The following ZNF536 variants were observed in gnomAD, a reference collection of about 807,000 sequenced individuals.
ZNF536 encodes the protein zinc finger protein 536.
Under a neutral mutation model 84.5 loss-of-function variants are expected in ZNF536, and 13 were observed. That is an observed-to-expected ratio of 0.15 (90% CI 0.10 to 0.24). The LOEUF is 0.24. Ranked by LOEUF, ZNF536 falls within the 10% of genes least tolerant of loss-of-function variation. ZNF536 has a pLI of 1.00. For missense variants in ZNF536, 1,536 were observed against 1,747.5 expected, an observed-to-expected ratio of 0.88 and a Z score of 2.16; for synonymous variants, 811 against 742.5, an observed-to-expected ratio of 1.09 and a Z score of -1.50.
chr19:30,666,442 C>T (rs2050322369), intron 1 of ZNF536, among the ~76,000 whole-genome samples: 3 of 152,142 alleles, frequency 2.0e-5, no homozygotes, highest in Admixed American at 2.0e-4. Flanking sequence ...CCTCTCCTCC[C>T]ATCCTCTGCT....
At chr19:30,621,830 A>G (rs2048493865) in intron 1 of ZNF536, among the ~76,000 whole-genome samples, 1 of 152,156 alleles carries the variant, frequency 6.6e-6, no homozygotes, top group Non-Finnish European at 1.5e-5. Context: ...ATCTGAAACC[A>G]CCTGTGCTTC....
chr19:30,644,392 T>A (rs1471236753), intron 1 of ZNF536, among the ~76,000 whole-genome samples: 1 of 152,026 alleles, frequency 6.6e-6, no homozygotes, highest in Non-Finnish European at 1.5e-5. Flanking sequence ...ATACTTTAAG[T>A]TTTAGGGTAC....
intron 3 of ZNF536, among the ~76,000 whole-genome samples, chr19:30,354,273 A>G (rs2048026083): frequency 6.6e-6 from 1 of 152,156 alleles, no homozygotes; most frequent in African/African-American, 2.4e-5. Context: ...TGAGACACAG[A>G]TATCCTTTGG....
chr19:30,710,664 A>C (rs1479154102), intron 1 of ZNF536: 2 of 152,194 alleles, frequency 1.3e-5, no homozygotes, highest in Non-Finnish European at 2.9e-5. Flanking sequence ...AATAATATTG[A>C]TCATACTGGT....
chr19:30,693,911 C>T (rs982725149), intron 1 of ZNF536, among the ~76,000 whole-genome samples: 7 of 152,134 alleles, frequency 4.6e-5, no homozygotes, highest in Admixed American at 6.5e-5. Context: ...ACAATACAAC[C>T]TCACTGAATT....
intron 1 of ZNF536, among the ~76,000 whole-genome samples, chr19:30,251,297 G>A (rs1056575802): frequency 2.0e-5 from 3 of 152,184 alleles, no homozygotes; most frequent in Non-Finnish European, 4.4e-5. Flanking sequence ...TGTGGACAAT[G>A]ATGAAATGAT....
chr19:30,443,103 G>A (rs1422143332), intron 1 of ZNF536, among the ~76,000 whole-genome samples: 2 of 146,072 alleles, frequency 1.4e-5, no homozygotes, highest in African/African-American at 5.1e-5. Context: ...ACTGGTGAAT[G>A]TACTGAATAT....
chr19:30,607,047 A>G (rs1033280516), intron 1 of ZNF536, among the ~76,000 whole-genome samples: 4 of 152,182 alleles, frequency 2.6e-5, no homozygotes, highest in Admixed American at 2.0e-4. Context: ...CTATCTCTGC[A>G]CAATGCAGAC....
At chr19:30,513,290 A>T (rs1355089476) in intron 2 of ZNF536, among the ~76,000 whole-genome samples, 2 of 152,180 alleles carry the variant, frequency 1.3e-5, no homozygotes, top group African/African-American at 4.8e-5. Context: ...TGCGCAAGAA[A>T]ATAAAATATA....
chr19:30,428,848 A>G (rs1318602955), intron 1 of ZNF536, among the ~76,000 whole-genome samples: 5 of 152,222 alleles, frequency 3.3e-5, no homozygotes, highest in African/African-American at 1.2e-4. Context: ...CAGCATCAGC[A>G]AAGTTCAACT....
chr19:30,554,227 G>C (rs951822994), intron 4 of ZNF536: 1 of 150,366 alleles, frequency 6.7e-6, no homozygotes, highest in African/African-American at 2.4e-5. Flanking sequence ...AGATTTCTTG[G>C]CATAGGCAGT....
intron 2 of ZNF536, among the ~76,000 whole-genome samples, chr19:30,329,542 A>G (rs756241604): frequency 6.6e-6 from 1 of 152,166 alleles, no homozygotes; most frequent in African/African-American, 2.4e-5. Context: ...TGCAACAGCC[A>G]TGAAAGTGAT....
At chr19:30,237,231 T>A (rs1361521235) in intron 1 of ZNF536, among the ~76,000 whole-genome samples, 1 of 152,146 alleles carries the variant, frequency 6.6e-6, no homozygotes, top group Non-Finnish European at 1.5e-5. Flanking sequence ...AAATACCACC[T>A]TCAATAAAAT....
At chr19:30,617,367 A>C (rs60849818) in intron 1 of ZNF536, among the ~76,000 whole-genome samples, 1 of 12,186 alleles carries the variant, frequency 8.2e-5, no homozygotes, top group Non-Finnish European at 2.8e-4. Context: ...TTTTTTTTTT[A>C]TGAGATGGAG....
At position 30,543,170 on chromosome 19, in the gene ZNF536, A is replaced by T. The variant is rs115259989; in HGVS notation, c.2324-4773A>T. Among the ~76,000 whole-genome samples, 279 of 152,306 alleles carry T rather than the reference A, an allele frequency of 1.8e-3. 3 individuals carry two copies. Among genetic ancestry groups the T allele is most frequent in the African/African-American group, 6.5e-3 (270 of 41,570 alleles). On this transcript the variant is annotated intron_variant, in intron 3 of 4. Coordinates refer to ENST00000355537, the MANE Select transcript of ZNF536 (RefSeq NM_014717.3). ...CCACAGTTGGTTAGAGTTGAGTGAC[A>T]CTGTGCTCCAGGAGAGAACGGCTGT... is the stretch of plus-strand genomic sequence containing the variant.
chr19:30,610,350 C>A (rs1446710599), intron 1 of ZNF536, among the ~76,000 whole-genome samples: 2 of 152,178 alleles, frequency 1.3e-5, no homozygotes, highest in African/African-American at 2.4e-5. Context: ...GCTGGGAGAG[C>A]TGATACTTCT....
At chr19:30,642,005 G>GA (rs1316093786) in intron 1 of ZNF536, among the ~76,000 whole-genome samples, 1 of 152,174 alleles carries the variant, frequency 6.6e-6, no homozygotes, top group Non-Finnish European at 1.5e-5. Context: ...AACCTTTTGA[G>GA]AAAAAAGCAC....
At chr19:30,237,224 T>C (rs2023596535) in intron 1 of ZNF536, among the ~76,000 whole-genome samples, 1 of 152,104 alleles carries the variant, frequency 6.6e-6, no homozygotes, top group Non-Finnish European at 1.5e-5. Context: ...GATCTCCAAA[T>C]ACCACCTTCA....
intron 2 of ZNF536, among the ~76,000 whole-genome samples, chr19:30,494,322 A>G (rs1456661784): frequency 6.6e-6 from 1 of 152,220 alleles, no homozygotes; most frequent in African/African-American, 2.4e-5. Flanking sequence ...GCACTACGGG[A>G]ACAGCTATTG....
Sources: allele counts gnomAD v4.1 joint callset (sites outside exome capture counted in the v4.1 genomes callset), GRCh38; gene constraint gnomAD v4.1.1; transcripts MANE v1.5; gene names NCBI Gene and HGNC (gene_info 2026-07-23, HGNC 2026-07-21).